The following TENM3 variants were observed in gnomAD, a reference collection of about 807,000 sequenced individuals.
The protein encoded by TENM3 is teneurin transmembrane protein 3.
Under a neutral mutation model 255.1 loss-of-function variants are expected in TENM3, and 63 were observed. The observed-to-expected ratio is 0.25, with a 90% confidence interval of 0.20 to 0.30. The LOEUF is 0.30. TENM3 is among the 10% of genes least tolerant of loss of function. The pLI, the probability that TENM3 is intolerant of heterozygous loss-of-function variation, is 1.00. For missense variants in TENM3, 2,929 were observed against 3,461.1 expected (o/e 0.85, Z 3.86); for synonymous variants, 1,306 against 1,322.3 (o/e 0.99, Z 0.27).
chr4:181,763,344 C>T, the TENM3 span, among the ~76,000 whole-genome samples: 15 of 152,078 alleles, frequency 9.9e-5, no homozygotes, highest in South Asian at 1.0e-3. Flanking sequence ...GTACAATTAG[C>T]GTCAACATCA....
At chr4:182,554,989 T>TAGA (rs1293309558) in intron 3 of TENM3, among the ~76,000 whole-genome samples, 5 of 152,106 alleles carry the variant, frequency 3.3e-5, no homozygotes, top group Non-Finnish European at 2.9e-5. Flanking sequence ...GTGGTCTCTT[T>TAGA]ATTTGTCATG....
chr4:182,446,981 A>G (rs190441400), intron 3 of TENM3, among the ~76,000 whole-genome samples: 6 of 152,200 alleles, frequency 3.9e-5, no homozygotes, highest in Non-Finnish European at 5.9e-5. Flanking sequence ...TTAAGAGCTT[A>G]GAAGTTTTGC....
intron 1 of TENM3, among the ~76,000 whole-genome samples, chr4:182,187,539 C>T (rs1753243356): frequency 6.6e-6 from 1 of 152,072 alleles, no homozygotes; most frequent in Non-Finnish European, 1.5e-5. Flanking sequence ...CCTTTGTGCC[C>T]CCCTCCCACC....
the TENM3 span, among the ~76,000 whole-genome samples, chr4:181,501,858 G>A: frequency 6.6e-6 from 1 of 152,196 alleles, no homozygotes. Context: ...TGAGGACATA[G>A]ATGCCATAAC....
chr4:182,499,135 A>G (rs1736082892), intron 3 of TENM3, among the ~76,000 whole-genome samples: 1 of 152,214 alleles, frequency 6.6e-6, no homozygotes, highest in African/African-American at 2.4e-5. Flanking sequence ...AGGACTGTGA[A>G]ATGATTTGAT....
the TENM3 span, among the ~76,000 whole-genome samples, chr4:181,552,663 A>G: frequency 1.3e-5 from 2 of 151,884 alleles, no homozygotes; most frequent in Non-Finnish European, 2.9e-5. Flanking sequence ...TACTGGGGGG[A>G]AAATGGGCTT....
chr4:182,292,021 C>T lies in TENM3; in HGVS notation c.-75-31925C>T, dbSNP rs1281971320. On this transcript the variant is annotated intron_variant, in intron 1 of 27. Transcript: ENST00000511685. ...ACCCATAAAAAAGTTTTCCCCAAAA[C>T]ATTTTTATGCTCGTCTTTTTTCCTT... 2.0e-5 allele frequency among the ~76,000 whole-genome samples: 3 copies of T among 152,130 alleles called. No individual in the cohort carries two copies. The East Asian group carries it at 5.8e-4, about 29-fold the overall frequency.
At chr4:182,347,576 A>G (rs1181088920) in intron 3 of TENM3, among the ~76,000 whole-genome samples, 1 of 152,216 alleles carries the variant, frequency 6.6e-6, no homozygotes, top group Admixed American at 6.5e-5. Context: ...ATTTTAGGAT[A>G]TCCAAATAGC....
chr4:182,196,862 C>CT (rs762660323), intron 1 of TENM3, among the ~76,000 whole-genome samples: 15 of 152,184 alleles, frequency 9.9e-5, no homozygotes, highest in Non-Finnish European at 2.2e-4. Flanking sequence ...AGCATGGCTT[C>CT]TTTTGACTAG....
chr4:181,618,227 C>G, the TENM3 span, among the ~76,000 whole-genome samples: 18 of 152,118 alleles, frequency 1.2e-4, no homozygotes, highest in African/African-American at 1.7e-4. Context: ...GCCAATTTAT[C>G]AACATCGATG....
intron 13 of TENM3, 120 bp downstream of exon 13, chr4:182,714,353 G>T: frequency 1.3e-6 from 1 of 793,614 alleles, no homozygotes; most frequent in South Asian, 2.2e-5. Flanking sequence ...GATCCCCATC[G>T]ATTAGATTGA....
rs560861994 is a variant in TENM3, at chr4:182,678,355, A to G, written c.1327-1311A>G. On this transcript the variant is annotated intron_variant, in intron 7 of 27. Transcript: ENST00000511685. ...ACTTAGGTTTAATGATGACCCATTC[A>G]TAAGAATAATCAGGCACGTTTACTG... Among the ~76,000 whole-genome samples, 9 of 152,376 alleles carry G rather than the reference A, an allele frequency of 5.9e-5. No homozygotes were observed. In the South Asian group the frequency reaches 6.2e-4, roughly 11 times the overall value.
At chr4:182,289,839 C>T (rs761866828) in intron 1 of TENM3, among the ~76,000 whole-genome samples, 2 of 152,130 alleles carry the variant, frequency 1.3e-5, no homozygotes, top group African/African-American at 2.4e-5. Context: ...GACTCCCTAG[C>T]GTGTTGACCA....
At chr4:182,684,763 T>C (rs529730269) in intron 11 of TENM3, among the ~76,000 whole-genome samples, 2 of 152,298 alleles carry the variant, frequency 1.3e-5, no homozygotes, top group East Asian at 3.9e-4. Flanking sequence ...GCTTCCACAT[T>C]AAAGCAGTGA....
chr4:182,773,506 T>C lies in TENM3; in HGVS notation c.4927T>C (p.Phe1643Leu), dbSNP rs1385987452. Residue 1643 changes from phenylalanine (F) to leucine (L), a missense_variant, in exon 23 of 28, where the codon TTT (phenylalanine) becomes CTT (leucine). Coordinates refer to ENST00000511685, the MANE Select transcript of TENM3 (RefSeq NM_001080477.4). Reference sequence around the variant, plus strand: ...TGAAGGTCGTCTGACAAATGTTACGTTTCCAACTGGAGTGGTCACAAACCT... The same window carrying C: ...TGAAGGTCGTCTGACAAATGTTACGCTTCCAACTGGAGTGGTCACAAACCT... ...DSEGRLTNVTFPTGVVTNLHG... is the reference protein window; with the variant it reads ...DSEGRLTNVTLPTGVVTNLHG... 2.5e-6 allele frequency: 4 copies of C among 1,613,146 alleles called. No homozygotes were observed. The highest frequency in any genetic ancestry group is 2.5e-6 in the Non-Finnish European group (3 of 1,179,586).
chr4:181,612,704 C>T, the TENM3 span, among the ~76,000 whole-genome samples: 93,283 of 151,956 alleles, frequency 0.61, 29,222 homozygotes, highest in East Asian at 0.72. Flanking sequence ...GTTAAACCAT[C>T]GAATAGCAAG....
At chr4:182,784,162 G>GT (rs1222363231) in intron 24 of TENM3, among the ~76,000 whole-genome samples, 3 of 152,148 alleles carry the variant, frequency 2.0e-5, no homozygotes, top group African/African-American at 7.2e-5. Flanking sequence ...TTTCTGTTCT[G>GT]TTTTTTCCCC....
chr4:182,168,253 G>A lies in TENM3; in HGVS notation c.-76+23499G>A, dbSNP rs146354256. 2.0e-4 allele frequency among the ~76,000 whole-genome samples: 30 copies of A among 151,864 alleles called. 1 individual carries two copies. In the East Asian group the frequency reaches 5.6e-3, roughly 29 times the overall value. On this transcript the variant is annotated intron_variant, in intron 1 of 2. Coordinates refer to the TENM3 transcript ENST00000512480. ...GGGCTCAAACAATTCTCCCACCTCAGCCTCCCGAGTAGCTGGGACTACAGG... is the reference window on the plus strand; with the variant it reads ...GGGCTCAAACAATTCTCCCACCTCAACCTCCCGAGTAGCTGGGACTACAGG...
At chr4:182,102,343 A>G in the TENM3 span, among the ~76,000 whole-genome samples, 1 of 152,214 alleles carries the variant, frequency 6.6e-6, no homozygotes, top group Non-Finnish European at 1.5e-5. Flanking sequence ...ATAGCCTCTC[A>G]TGTGTCCACA....
Sources: gnomAD v4.1 joint callset for allele counts (sites outside exome capture counted in the v4.1 genomes callset) on GRCh38, gnomAD v4.1.1 for gene constraint, MANE v1.5 for transcripts, NCBI Gene and HGNC (gene_info 2026-07-23, HGNC 2026-07-21) for gene names.